Variants in MDGA2 observed in about 807,000 individuals in gnomAD.
MDGA2 encodes MAM domain-containing glycosylphosphatidylinositol anchor protein 2.
Under a neutral mutation model 117.8 loss-of-function variants are expected in MDGA2, and 40 were observed. That is an observed-to-expected ratio of 0.34 (90% confidence interval 0.26 to 0.44). MDGA2 has a LOEUF of 0.44. MDGA2 is among the 20% of genes least tolerant of loss of function. MDGA2 has a pLI of 1.00. For synonymous variants in MDGA2, 452 were observed against 439.0 expected, an observed-to-expected ratio of 1.03 and a Z score of -0.37; for missense variants, 1,123 against 1,250.6, an observed-to-expected ratio of 0.90 and a Z score of 1.54.
chr14:47,554,020 T>C (rs1411709909), intron 1 of MDGA2, among the ~76,000 whole-genome samples: 1 of 152,196 alleles, frequency 6.6e-6, no homozygotes, highest in African/African-American at 2.4e-5. Flanking sequence ...CCCCCCGTTA[T>C]CATTTAAGAA....
intron 7 of MDGA2, among the ~76,000 whole-genome samples, chr14:47,057,189 C>T (rs930543492): frequency 5.9e-5 from 9 of 152,098 alleles, no homozygotes; most frequent in Non-Finnish European, 1.2e-4. Flanking sequence ...CTGTCACTAG[C>T]GCAATGCTAC....
At chr14:47,407,614 TG>T (rs1892284338) in intron 1 of MDGA2, among the ~76,000 whole-genome samples, 1 of 152,184 alleles carries the variant, frequency 6.6e-6, no homozygotes, top group South Asian at 2.1e-4. Context: ...GAGAAGGATA[TG>T]GGAATGCATT....
intron 5 of MDGA2, among the ~76,000 whole-genome samples, chr14:47,109,696 C>T (rs988045550): frequency 6.6e-6 from 1 of 152,114 alleles, no homozygotes; most frequent in Non-Finnish European, 1.5e-5. Context: ...CTTGTAATCC[C>T]ACAATTTGGG....
chr14:47,029,704 T>C (rs909611689), intron 8 of MDGA2, among the ~76,000 whole-genome samples: 5 of 152,208 alleles, frequency 3.3e-5, no homozygotes, highest in African/African-American at 9.6e-5. Context: ...TAAAATGTTA[T>C]AGTTTATCAA....
intron 1 of MDGA2, among the ~76,000 whole-genome samples, chr14:47,642,323 T>C (rs572063150): frequency 3.9e-5 from 6 of 152,226 alleles, no homozygotes; most frequent in Admixed American, 1.3e-4. Flanking sequence ...GGGCGTGATA[T>C]ATAAATCAGC....
At chr14:47,363,672 T>G (rs1215083619) in intron 1 of MDGA2, among the ~76,000 whole-genome samples, 2 of 152,110 alleles carry the variant, frequency 1.3e-5, no homozygotes, top group African/African-American at 2.4e-5. Context: ...TCATTTACTT[T>G]CTTTTATAAA....
At chr14:47,424,513 T>A (rs1256018851) in intron 1 of MDGA2, among the ~76,000 whole-genome samples, 1 of 152,168 alleles carries the variant, frequency 6.6e-6, no homozygotes, top group African/African-American at 2.4e-5. Flanking sequence ...CTCATGTGTG[T>A]CAGAACTATA....
chr14:47,540,522 G>GTATA (rs1307854544), intron 1 of MDGA2, among the ~76,000 whole-genome samples: 1 of 60,390 alleles, frequency 1.7e-5, no homozygotes, highest in East Asian at 1.0e-3. Context: ...ATATGTATAT[G>GTATA]TGTGTGTGTG....
chr14:47,014,007 C>G (rs1041013143), intron 8 of MDGA2, among the ~76,000 whole-genome samples: 2 of 151,634 alleles, frequency 1.3e-5, no homozygotes, highest in African/African-American at 4.8e-5. Flanking sequence ...GTTGGCCAGG[C>G]TGGTCTTGAA....
intron 2 of MDGA2, among the ~76,000 whole-genome samples, chr14:47,290,128 A>T (rs1380299725): frequency 6.6e-6 from 1 of 152,070 alleles, no homozygotes; most frequent in African/African-American, 2.4e-5. Context: ...ATAGCCCTAT[A>T]CTGCTATGCT....
At chr14:47,223,239 G>A (rs886974412) in intron 2 of MDGA2, among the ~76,000 whole-genome samples, 1 of 152,006 alleles carries the variant, frequency 6.6e-6, no homozygotes, top group Non-Finnish European at 1.5e-5. Context: ...AGTTAAGGTG[G>A]GTGGGAACAC....
chr14:47,615,714 T>C (rs2138915559), intron 1 of MDGA2, among the ~76,000 whole-genome samples: 1 of 152,324 alleles, frequency 6.6e-6, no homozygotes, highest in African/African-American at 2.4e-5. Flanking sequence ...ATCACCAGCT[T>C]AGGTGAGAAC....
At chr14:47,252,682 G>A (rs560582849) in intron 2 of MDGA2, among the ~76,000 whole-genome samples, 92 of 152,294 alleles carry the variant, frequency 6.0e-4, no homozygotes, top group Non-Finnish European at 1.1e-3. Flanking sequence ...AAGCTTGACA[G>A]ATATGAAAAT....
At chr14:47,617,571 A>G (rs138140411) in intron 1 of MDGA2, among the ~76,000 whole-genome samples, 13 of 152,296 alleles carry the variant, frequency 8.5e-5, no homozygotes, top group African/African-American at 1.4e-4. Context: ...CAGTTTTAAA[A>G]AACAATTTCT....
chr14:47,108,866 T>TCA (rs1880884686), intron 5 of MDGA2, among the ~76,000 whole-genome samples: 1 of 152,172 alleles, frequency 6.6e-6, no homozygotes, highest in Admixed American at 6.5e-5. Context: ...AAAAAGATGA[T>TCA]CCCCGTGTAT....
At chr14:47,058,625 A>T (rs145653685) in intron 7 of MDGA2, 1,113 of 985,036 alleles carry the variant, frequency 1.1e-3, no homozygotes, top group Non-Finnish European at 1.3e-3. Flanking sequence ...TATTGGGATA[A>T]ATATCATTTT....
intron 14 of MDGA2, among the ~76,000 whole-genome samples, chr14:46,857,574 T>C (rs1881318617): frequency 6.6e-6 from 1 of 152,194 alleles, no homozygotes; most frequent in African/African-American, 2.4e-5. Context: ...TACGGTTTTC[T>C]TTAGATTCAT....
chr14:47,084,535 G>C (rs1384372346), intron 6 of MDGA2, among the ~76,000 whole-genome samples: 3 of 150,216 alleles, frequency 2.0e-5, no homozygotes. Flanking sequence ...GAGTAATAAA[G>C]TAAAAATAAA....
At chr14:47,176,276 T>C (rs943982134) in intron 3 of MDGA2, among the ~76,000 whole-genome samples, 2 of 152,128 alleles carry the variant, frequency 1.3e-5, no homozygotes, top group African/African-American at 2.4e-5. Flanking sequence ...CCAATGCCTT[T>C]CTTCACAGAA....
Sources: allele counts gnomAD v4.1 joint callset (sites outside exome capture counted in the v4.1 genomes callset), GRCh38; gene constraint gnomAD v4.1.1; transcripts MANE v1.5; gene names NCBI Gene and HGNC (gene_info 2026-07-23, HGNC 2026-07-21).